BCKDHB: variants seen among roughly 807,000 people sequenced by gnomAD.
The protein encoded by BCKDHB is 2-oxoisovalerate dehydrogenase subunit beta, mitochondrial.
A neutral mutation model predicts 48.5 loss-of-function variants in BCKDHB; 41 were observed. The observed-to-expected ratio is 0.85, with a 90% CI of 0.66 to 1.10. BCKDHB has a LOEUF of 1.10. Ranked by LOEUF, BCKDHB falls within the 50% of genes least tolerant of loss-of-function variation. BCKDHB has a pLI of 0.00. For synonymous variants in BCKDHB, 201 were observed against 174.8 expected, an observed-to-expected ratio of 1.15 and a Z score of -1.18; for missense variants, 496 against 494.2, an observed-to-expected ratio of 1.00 and a Z score of -0.03.
At chr6:80,410,679 TA>T in the BCKDHB span, among the ~76,000 whole-genome samples, 1 of 152,238 alleles carries the variant, frequency 6.6e-6, no homozygotes, top group Admixed American at 6.5e-5. Flanking sequence ...CTTCTCACTT[TA>T]TTTCATTAAT....
the BCKDHB span, among the ~76,000 whole-genome samples, chr6:80,387,578 G>A: frequency 6.6e-6 from 1 of 152,206 alleles, no homozygotes; most frequent in African/African-American, 2.4e-5. Flanking sequence ...TGCAGCTGCT[G>A]TACCAGATGT....
At chr6:80,352,978 A>G in the BCKDHB span, among the ~76,000 whole-genome samples, 1 of 152,222 alleles carries the variant, frequency 6.6e-6, no homozygotes, top group Non-Finnish European at 1.5e-5. Flanking sequence ...ATAGTCTTCA[A>G]GTCAAGACTT....
At chr6:80,335,823 C>T (rs937449909) in intron 9 of BCKDHB, among the ~76,000 whole-genome samples, 10 of 151,942 alleles carry the variant, frequency 6.6e-5, no homozygotes, top group African/African-American at 2.4e-4. Context: ...AAAGCAGAAA[C>T]AAGCTTTTAC....
intron 8 of BCKDHB, among the ~76,000 whole-genome samples, chr6:80,223,160 A>G (rs1768519533): frequency 6.6e-6 from 1 of 152,214 alleles, no homozygotes; most frequent in African/African-American, 2.4e-5. Flanking sequence ...CCTTGATAGC[A>G]TAGTATTATA....
the BCKDHB span, among the ~76,000 whole-genome samples, chr6:80,393,576 A>G: frequency 2.0e-5 from 3 of 152,336 alleles, no homozygotes; most frequent in East Asian, 5.8e-4. Context: ...ACCATGAGCA[A>G]CAAATCTTAC....
the BCKDHB span, chr6:80,374,422 C>T: frequency 1.3e-6 from 1 of 775,462 alleles, no homozygotes; most frequent in South Asian, 1.3e-5. Context: ...AAAGTGACAT[C>T]TTTCAGATAT....
chr6:80,127,867 A>G lies in BCKDHB; in HGVS notation c.274+243A>G, dbSNP rs376572224. On this transcript the variant is annotated intron_variant, in intron 2 of 9. Transcript: ENST00000320393. ...TGTGTGGTCCTGATATTGTATTAATAACTTCTGGATTAAAACCTGCTGTGT... is the reference window on the plus strand; with the variant it reads ...TGTGTGGTCCTGATATTGTATTAATGACTTCTGGATTAAAACCTGCTGTGT... Among the ~76,000 whole-genome samples the G allele has an allele frequency of 2.6e-5, 4 of 152,184 alleles. No individual in the cohort carries two copies. The East Asian group carries it at 7.7e-4, about 29-fold the overall frequency.
intron 6 of BCKDHB, among the ~76,000 whole-genome samples, chr6:80,188,180 A>G (rs1773733271): frequency 6.6e-6 from 1 of 152,204 alleles, no homozygotes; most frequent in African/African-American, 2.4e-5. Context: ...TTTGCAGGAC[A>G]TATCTGGAGG....
At chr6:80,180,419 TC>T (rs1773357996) in intron 6 of BCKDHB, among the ~76,000 whole-genome samples, 1 of 152,104 alleles carries the variant, frequency 6.6e-6, no homozygotes, top group African/African-American at 2.4e-5. Flanking sequence ...AAAGAGTGAG[TC>T]AGTGTGACAT....
At chr6:80,148,163 C>T (rs1176163206) in intron 3 of BCKDHB, among the ~76,000 whole-genome samples, 3 of 151,930 alleles carry the variant, frequency 2.0e-5, no homozygotes, top group Non-Finnish European at 4.4e-5. Context: ...ACTCTGTATC[C>T]CAGCTTATTT....
chr6:80,431,711 G>T, the BCKDHB span, among the ~76,000 whole-genome samples: 3 of 152,122 alleles, frequency 2.0e-5, no homozygotes, highest in African/African-American at 7.2e-5. Flanking sequence ...GAGCCTATGT[G>T]CATCTTTGCA....
intron 3 of BCKDHB, among the ~76,000 whole-genome samples, chr6:80,132,902 C>T (rs1307962145): frequency 6.6e-6 from 1 of 152,088 alleles, no homozygotes; most frequent in African/African-American, 2.4e-5. Flanking sequence ...AAATTATCTG[C>T]CCTTTTGAAT....
the BCKDHB span, among the ~76,000 whole-genome samples, chr6:80,404,517 G>A: frequency 1.3e-5 from 2 of 151,714 alleles, no homozygotes; most frequent in African/African-American, 2.4e-5. Flanking sequence ...AAAAAACAAA[G>A]TATTAGTTTC....
At chr6:80,303,437 T>A (rs2127992211) in intron 9 of BCKDHB, among the ~76,000 whole-genome samples, 1 of 152,224 alleles carries the variant, frequency 6.6e-6, no homozygotes, top group South Asian at 2.1e-4. Flanking sequence ...CCATCTCATC[T>A]GCTTTGATCT....
At chr6:80,158,203 A>G (rs928600258) in intron 3 of BCKDHB, among the ~76,000 whole-genome samples, 1 of 152,210 alleles carries the variant, frequency 6.6e-6, no homozygotes, top group Non-Finnish European at 1.5e-5. Flanking sequence ...CCAGAATTGC[A>G]GACTCATTGA....
intron 9 of BCKDHB, among the ~76,000 whole-genome samples, chr6:80,338,062 A>C (rs1769687628): frequency 1.3e-5 from 2 of 152,206 alleles, no homozygotes; most frequent in East Asian, 1.9e-4. Context: ...TTTCCAACTC[A>C]AGATGGTATA....
rs1025730390 is a variant in BCKDHB, at chr6:80,106,680, G to T, written c.-14G>T. On this transcript the variant is annotated 5_prime_UTR_variant, in exon 1 of 10. Coordinates refer to ENST00000320393, the MANE Select transcript of BCKDHB (RefSeq NM_183050.4). ...TGCGGCTGCATAGCCTGAGAATCCC[G>T]GTGGTGAGCGGGGATGGCGGTTGTA... 80 of 1,550,698 alleles carry T rather than the reference G, an allele frequency of 5.2e-5. No individual in the cohort carries two copies. The highest frequency in any genetic ancestry group is 9.8e-5 in the Admixed American group (5 of 51,278).
Position 80,241,157 on chromosome 6 carries a change from T to C in BCKDHB, c.952-31978T>C, listed in dbSNP as rs531417877. On this transcript the variant is annotated intron_variant, in intron 8 of 9. Coordinates refer to ENST00000320393, the MANE Select transcript of BCKDHB (RefSeq NM_183050.4). ...TTTTAGTTAGCCATTTGTCTAATCTTTTTTCAAGGTTTTAGCTTCCTTGCG... is the reference window on the plus strand; with the variant it reads ...TTTTAGTTAGCCATTTGTCTAATCTCTTTTCAAGGTTTTAGCTTCCTTGCG... Among the ~76,000 whole-genome samples, 3 of 152,292 alleles carry C rather than the reference T, an allele frequency of 2.0e-5. No individual in the cohort carries two copies. In the East Asian group the frequency reaches 5.8e-4, roughly 29 times the overall value.
At chr6:80,360,701 C>T in the BCKDHB span, among the ~76,000 whole-genome samples, 1 of 151,992 alleles carries the variant, frequency 6.6e-6, no homozygotes, top group African/African-American at 2.4e-5. Flanking sequence ...TCAGCAAGAA[C>T]TCTAGGACTT....
Sources: gnomAD v4.1 joint callset for allele counts (sites outside exome capture counted in the v4.1 genomes callset) on GRCh38, gnomAD v4.1.1 for gene constraint, MANE v1.5 for transcripts, NCBI Gene and HGNC (gene_info 2026-07-23, HGNC 2026-07-21) for gene names.